Variants in RALGAPA1 observed in about 807,000 individuals in gnomAD.
RALGAPA1 encodes the protein ral GTPase-activating protein subunit alpha-1.
A neutral mutation model predicts 269.6 loss-of-function variants in RALGAPA1; 52 were observed. The observed-to-expected ratio is 0.19, with a 90% CI of 0.15 to 0.24. RALGAPA1 has a LOEUF of 0.24. Ranked by LOEUF, RALGAPA1 falls within the 10% of genes least tolerant of loss-of-function variation. The probability of loss-of-function intolerance (pLI) is 1.00; values close to 1 mark genes in which losing one functional copy is unlikely to be tolerated. For synonymous variants in RALGAPA1, 817 were observed against 1,008.3 expected, an observed-to-expected ratio of 0.81 and a Z score of 3.60; for missense variants, 1,917 against 3,013.9, an observed-to-expected ratio of 0.64 and a Z score of 8.52.
chr14:35,566,451 A>G (rs1044909119), intron 39 of RALGAPA1, among the ~76,000 whole-genome samples: 6 of 152,170 alleles, frequency 3.9e-5, no homozygotes, highest in African/African-American at 1.4e-4. Flanking sequence ...TTTATTGGGC[A>G]TAAAATAACT....
chr14:35,760,151 G>C (rs960132018), intron 6 of RALGAPA1, among the ~76,000 whole-genome samples: 3 of 152,118 alleles, frequency 2.0e-5, no homozygotes, highest in Non-Finnish European at 4.4e-5. Flanking sequence ...GATACAAGGT[G>C]ATATGTAATA....
At chr14:35,648,674 C>T (rs1326095607) in intron 31 of RALGAPA1, among the ~76,000 whole-genome samples, 2 of 152,018 alleles carry the variant, frequency 1.3e-5, no homozygotes, top group East Asian at 1.9e-4. Flanking sequence ...TGGTGGCGTA[C>T]GCCTGTGGTC....
intron 31 of RALGAPA1, among the ~76,000 whole-genome samples, chr14:35,645,567 A>G (rs1027516972): frequency 1.3e-5 from 2 of 151,828 alleles, no homozygotes; most frequent in Admixed American, 6.6e-5. Flanking sequence ...CGTCTCTACT[A>G]AAAATACAAA....
At chr14:35,743,191 C>T (rs1372341313) in intron 10 of RALGAPA1, among the ~76,000 whole-genome samples, 1 of 151,606 alleles carries the variant, frequency 6.6e-6, no homozygotes, top group African/African-American at 2.4e-5. Flanking sequence ...TTGCCATCAA[C>T]ATTATAGTTA....
intron 16 of RALGAPA1, among the ~76,000 whole-genome samples, chr14:35,701,785 G>A (rs1219528243): frequency 1.3e-5 from 2 of 152,018 alleles, no homozygotes; most frequent in African/African-American, 4.8e-5. Context: ...TGGGACCACA[G>A]GCATATGTCA....
intron 41 of RALGAPA1, among the ~76,000 whole-genome samples, chr14:35,543,871 G>A (rs2054228297): frequency 6.6e-6 from 1 of 152,192 alleles, no homozygotes; most frequent in South Asian, 2.1e-4. Flanking sequence ...TGAACTCTTG[G>A]CCTCAAGTGA....
chr14:35,569,731 T>A (rs1265598032), intron 39 of RALGAPA1, among the ~76,000 whole-genome samples: 2 of 152,180 alleles, frequency 1.3e-5, no homozygotes, highest in Non-Finnish European at 2.9e-5. Flanking sequence ...CAATCCTCAC[T>A]GTTTCAGAAG....
chr14:35,714,288 A>G (rs2068618646), intron 16 of RALGAPA1, among the ~76,000 whole-genome samples: 1 of 152,232 alleles, frequency 6.6e-6, no homozygotes, highest in Admixed American at 6.5e-5. Context: ...CATCCTCACC[A>G]ACACTTAATA....
chr14:35,697,108 G>A (rs1218651674), intron 17 of RALGAPA1, among the ~76,000 whole-genome samples: 2 of 152,140 alleles, frequency 1.3e-5, no homozygotes, highest in Non-Finnish European at 2.9e-5. Flanking sequence ...CCTAACACCT[G>A]AGGAATCAAA....
intron 41 of RALGAPA1, among the ~76,000 whole-genome samples, 198 bp downstream of exon 41, chr14:35,548,310 C>A (rs1042465191): frequency 6.6e-6 from 1 of 152,036 alleles, no homozygotes; most frequent in African/African-American, 2.4e-5. Context: ...ATCCCCAAAC[C>A]ATGTTAGTGT....
At chr14:35,728,733 T>A (rs930581247) in intron 12 of RALGAPA1, among the ~76,000 whole-genome samples, 4 of 151,970 alleles carry the variant, frequency 2.6e-5, no homozygotes, top group African/African-American at 9.7e-5. Context: ...CAGTATTTCT[T>A]TCTTTTTTTT....
chr14:35,717,044 A>G (rs1270614818), intron 16 of RALGAPA1, among the ~76,000 whole-genome samples: 1 of 152,260 alleles, frequency 6.6e-6, no homozygotes, highest in African/African-American at 2.4e-5. Context: ...TATTAAGGCT[A>G]CAAAGGTTCC....
intron 17 of RALGAPA1, among the ~76,000 whole-genome samples, chr14:35,698,917 A>AATTATACGTAACGT (rs1400489852): frequency 3.3e-5 from 5 of 152,194 alleles, no homozygotes; most frequent in Non-Finnish European, 7.4e-5. Context: ...ATACGTAACA[A>AATTATACGTAACGT]AATTGTGTGC....
intron 16 of RALGAPA1, among the ~76,000 whole-genome samples, chr14:35,716,397 C>CAAAAAAA (rs78953823): frequency 2.2e-5 from 1 of 44,620 alleles, no homozygotes; most frequent in African/African-American, 8.0e-5. Flanking sequence ...GACTCCGTCT[C>CAAAAAAA]AAAAAAAAAA....
chr14:35,565,493 ATACTT>A (rs887703765), intron 39 of RALGAPA1, among the ~76,000 whole-genome samples: 2 of 152,112 alleles, frequency 1.3e-5, no homozygotes, highest in African/African-American at 4.8e-5. Flanking sequence ...AATCAGTTAA[ATACTT>A]TAAGAGAAAA....
intron 1 of RALGAPA1, among the ~76,000 whole-genome samples, chr14:35,796,105 CTGAAAG>C (rs1300163615): frequency 6.6e-6 from 1 of 152,012 alleles, no homozygotes; most frequent in Non-Finnish European, 1.5e-5. Flanking sequence ...AATTCTAGAA[CTGAAAG>C]AGATGTCACA....
At chr14:35,592,834 G>A (rs1297819859) in intron 37 of RALGAPA1, among the ~76,000 whole-genome samples, 2 of 152,118 alleles carry the variant, frequency 1.3e-5, no homozygotes, top group African/African-American at 4.8e-5. Flanking sequence ...GACAGTTTAG[G>A]TATAGAAGGA....
intron 35 of RALGAPA1, among the ~76,000 whole-genome samples, chr14:35,624,616 C>T (rs2060876204): frequency 6.6e-6 from 1 of 151,788 alleles, no homozygotes; most frequent in Admixed American, 6.6e-5. Flanking sequence ...AGGCTTTTCT[C>T]AAACTGAAGG....
chr14:35,765,940 T>G, intron 4 of RALGAPA1: 1 of 1,351,854 alleles, frequency 7.4e-7, no homozygotes, highest in Non-Finnish European at 1.0e-6. Context: ...GAAGGCGTAT[T>G]TGGACCAGTT....
Sources: gnomAD v4.1 joint callset for allele counts (sites outside exome capture counted in the v4.1 genomes callset) on GRCh38, gnomAD v4.1.1 for gene constraint, MANE v1.5 for transcripts, NCBI Gene and HGNC (gene_info 2026-07-23, HGNC 2026-07-21) for gene names.